The following CHP1 variants were observed in gnomAD, a reference collection of about 807,000 sequenced individuals.
CHP1 encodes calcineurin like EF-hand protein 1, also known as calcineurin B homologous protein 1.
In CHP1, 11 loss-of-function variants were observed where a neutral mutation model predicts 27.4. That is an observed-to-expected ratio of 0.40 (90% confidence interval 0.25 to 0.67). The LOEUF is 0.67. CHP1 is among the 30% of genes least tolerant of loss of function. The probability of loss-of-function intolerance (pLI) is 0.38; values close to 1 mark genes in which losing one functional copy is unlikely to be tolerated. For missense variants in CHP1, 169 were observed against 251.3 expected (o/e 0.67, Z 2.22); for synonymous variants, 89 against 87.4 (o/e 1.02, Z -0.10).
At chr15:41,274,251 A>G (rs2047507618) in intron 5 of CHP1, among the ~76,000 whole-genome samples, 1 of 151,984 alleles carries the variant, frequency 6.6e-6, no homozygotes. Flanking sequence ...GAGCCACCGC[A>G]CCTGGCCTAA....
chr15:41,246,689 C>G (rs1330705415), intron 2 of CHP1, among the ~76,000 whole-genome samples: 1 of 130,666 alleles, frequency 7.7e-6, no homozygotes, highest in East Asian at 2.4e-4. Flanking sequence ...GTCTCGATAT[C>G]CTGACCTCGT....
At chr15:41,263,490 A>G (rs2047443620) in intron 4 of CHP1, among the ~76,000 whole-genome samples, 4 of 152,186 alleles carry the variant, frequency 2.6e-5, no homozygotes, top group Admixed American at 2.0e-4. Context: ...GTTCATGTAC[A>G]ATATTGCCCA....
chr15:41,269,570 C>T (rs964891984), intron 4 of CHP1, among the ~76,000 whole-genome samples: 5 of 152,132 alleles, frequency 3.3e-5, no homozygotes, highest in African/African-American at 1.2e-4. Flanking sequence ...GTCTGCCATA[C>T]ACTTTGTTCC....
Position 41,256,661 on chromosome 15 carries a change from G to C in CHP1, c.141-249G>C. On this transcript the variant is annotated intron_variant, in intron 2 of 6. Coordinates refer to ENST00000334660, the MANE Select transcript of CHP1 (RefSeq NM_007236.5). ...TTTGTCCATCAGTTGGCTTATTGAC[G>C]TAACCTGTGTGCTAAATTCACTGGA... 1.2e-5 allele frequency: 6 copies of C among 496,030 alleles called. No homozygotes were observed. The South Asian group carries it at 1.3e-4, about 11-fold the overall frequency. The allele number at this position is 496,030 out of a possible 1,614,324, so 30.7% of individuals were successfully genotyped here.
chr15:41,270,474 G>A, intron 4 of CHP1, 83 bp from the exon 5 acceptor site: 2 of 1,009,874 alleles, frequency 2.0e-6, no homozygotes, highest in South Asian at 1.3e-5. Flanking sequence ...TCAGTTTTCT[G>A]TCTAGTGTCT....
At chr15:41,267,929 T>TAAAAA (rs57565577) in intron 4 of CHP1, among the ~76,000 whole-genome samples, 33 of 117,240 alleles carry the variant, frequency 2.8e-4, no homozygotes, top group African/African-American at 8.7e-4. Context: ...CCCTATCTCT[T>TAAAAA]AAAAAAAAAA....
intron 1 of CHP1, among the ~76,000 whole-genome samples, chr15:41,241,014 A>G (rs2047304374): frequency 1.3e-5 from 2 of 152,148 alleles, no homozygotes; most frequent in African/African-American, 4.8e-5. Context: ...CACCACACCC[A>G]GCAGATTTTT....
intron 5 of CHP1, among the ~76,000 whole-genome samples, chr15:41,274,789 TG>T (rs892419872): frequency 3.1e-5 from 4 of 127,744 alleles, no homozygotes; most frequent in African/African-American, 1.2e-4. Context: ...GCATTGTCTT[TG>T]TTTTTTTTTT....
chr15:41,248,056 G>A (rs2047345418), intron 2 of CHP1, among the ~76,000 whole-genome samples: 1 of 152,122 alleles, frequency 6.6e-6, no homozygotes, highest in African/African-American at 2.4e-5. Flanking sequence ...CCATTTCACA[G>A]CCTGTGGAAA....
chr15:41,264,066 C>T (rs1382256346), intron 4 of CHP1: 3 of 559,298 alleles, frequency 5.4e-6, no homozygotes, highest in Non-Finnish European at 8.8e-6. Context: ...TCTCTTTACT[C>T]TGCCATCCTC....
chr15:41,268,641 C>CA (rs781241008), intron 4 of CHP1, among the ~76,000 whole-genome samples: 4,543 of 128,844 alleles, frequency 0.035, 247 homozygotes, highest in African/African-American at 0.12. Flanking sequence ...GACTCCATCT[C>CA]AAAAAAAAAA....
intron 2 of CHP1, among the ~76,000 whole-genome samples, chr15:41,252,402 C>T (rs2140931156): frequency 6.6e-6 from 1 of 151,230 alleles, no homozygotes; most frequent in South Asian, 2.1e-4. Flanking sequence ...CTCCTGACCT[C>T]ATGATCCACC....
intron 2 of CHP1, among the ~76,000 whole-genome samples, chr15:41,250,735 T>C (rs1043156354): frequency 6.6e-6 from 1 of 150,474 alleles, no homozygotes; most frequent in Non-Finnish European, 1.5e-5. Context: ...GTTCACCTAA[T>C]GCTGAACAAT....
intron 1 of CHP1, among the ~76,000 whole-genome samples, chr15:41,240,896 A>G (rs1595471169): frequency 6.7e-6 from 1 of 149,400 alleles, no homozygotes; most frequent in South Asian, 2.1e-4. Context: ...TTCTGTCACC[A>G]GTCTGGAGTG....
At chr15:41,261,613 C>T (rs1045047924) in intron 3 of CHP1, among the ~76,000 whole-genome samples, 1 of 148,916 alleles carries the variant, frequency 6.7e-6, no homozygotes, top group Non-Finnish European at 1.5e-5. Flanking sequence ...AATCCCAGCA[C>T]TTTGGGAGGC....
rs889902145 is a variant in CHP1 at position 41,231,435 on chromosome 15, A to C, written c.53A>C (p.Lys18Thr). The C allele has an allele frequency of 6.2e-7, 1 of 1,603,612 alleles. No individual in the cohort carries two copies. Among genetic ancestry groups the C allele is most frequent in the Non-Finnish European group, 8.5e-7 (1 of 1,176,268 alleles). The part of the protein sequence containing the change: ...LLRDEELEEI[K>T]KETGFSHSQI... ...CGGGACGAAGAGCTCGAGGAGATCA[A>C]GAAGGAGACCGGCTGTGAGTTCGGG... The change falls in exon 1 of 7, where the codon AAG becomes ACG. Residue 18 changes from lysine to threonine, a missense_variant. Physicochemically the swap from Lys to Thr is moderately conservative, Grantham distance 78 (BLOSUM62 -1). Coordinates refer to ENST00000334660, the MANE Select transcript of CHP1 (RefSeq NM_007236.5).
Position 41,266,955 on chromosome 15 carries a change from G to A in CHP1, c.350-3602G>A, listed in dbSNP as rs923607533. 5.9e-5 allele frequency among the ~76,000 whole-genome samples: 9 copies of A among 152,062 alleles called. No homozygotes were observed. In the South Asian group the frequency reaches 1.9e-3, roughly 32 times the overall value. On this transcript the variant is annotated intron_variant, in intron 4 of 6. Transcript: ENST00000334660. ...GCGGAGGTTGCAGTGAGCTGAGATTGCGCCACTGCACTCTAGCTTGGGCGA... is the reference window on the plus strand; with the variant it reads ...GCGGAGGTTGCAGTGAGCTGAGATTACGCCACTGCACTCTAGCTTGGGCGA...
intron 5 of CHP1, among the ~76,000 whole-genome samples, chr15:41,272,528 C>G (rs1412585888): frequency 2.0e-5 from 3 of 152,070 alleles, no homozygotes; most frequent in African/African-American, 7.2e-5. Context: ...TCAAGCGATT[C>G]TCGTGCCTCA....
chr15:41,277,332 G>A (rs1275258510), intron 5 of CHP1, among the ~76,000 whole-genome samples: 1 of 152,136 alleles, frequency 6.6e-6, no homozygotes, highest in Non-Finnish European at 1.5e-5. Flanking sequence ...TAACATAATG[G>A]TAAGTATTTG....
Sources: allele counts gnomAD v4.1 joint callset (sites outside exome capture counted in the v4.1 genomes callset), GRCh38; gene constraint gnomAD v4.1.1; transcripts MANE v1.5; gene names NCBI Gene and HGNC (gene_info 2026-07-23, HGNC 2026-07-21).